Variants in HIPK4 observed in about 807,000 individuals in gnomAD.
HIPK4 encodes homeodomain-interacting protein kinase 4.
HIPK4 carries 26 observed loss-of-function variants against 44.8 expected under a neutral mutation model. That is an observed-to-expected ratio of 0.58 (90% CI 0.43 to 0.80). The LOEUF (loss-of-function observed/expected upper bound fraction) is 0.80. Among genes scored for constraint, HIPK4 ranks in the 30% least tolerant of loss-of-function variants. The pLI, the probability that HIPK4 is intolerant of heterozygous loss-of-function variation, is 0.00. For synonymous variants in HIPK4, 340 were observed against 355.5 expected (o/e 0.96, Z 0.49); for missense variants, 729 against 862.6 (o/e 0.85, Z 1.94).
At position 40,381,061 on chromosome 19, in the gene HIPK4, C is replaced by T. The variant is rs554119598; in HGVS notation, c.930G>A (p.Ala310=). The stretch of plus-strand genomic sequence containing the variant: ...TCTTGAGGTCGGCGTGCTCCGCCAG[C>T]GCCTCCCGGTCAGGGAAGGTTAGCC... ...ASRLTFPDRE[A]LAEHADLKSM... The change falls in exon 3 of 4, where the codon GCG becomes GCA. Residue 310 remains alanine (A), a synonymous_variant. Transcript: ENST00000291823. The T allele has an allele frequency of 8.7e-6, 14 of 1,613,248 alleles. No individual in the cohort carries two copies. Among genetic ancestry groups the T allele is most frequent in the Middle Eastern group, 1.6e-4 (1 of 6,062 alleles).
rs541882458 is a variant in HIPK4 at position 40,380,589 on chromosome 19, C to T, written c.1402G>A (p.Asp468Asn). 753 of 1,612,986 alleles carry T rather than the reference C, an allele frequency of 4.7e-4. 16 individuals carry two copies. In the South Asian group the frequency reaches 7.7e-3, roughly 16 times the overall value. Residue 468 changes from aspartate to asparagine, a missense_variant, in exon 3 of 4, where the codon GAC becomes AAC. Asp to Asn is a conservative substitution (Grantham distance 23). Coordinates refer to ENST00000291823, the MANE Select transcript of HIPK4 (RefSeq NM_144685.5). This position sits in a 1 kb window ranked among gnomAD's most constrained non-coding sequence, Gnocchi z 4.2. Reference protein sequence around the residue: ...KAAITGHHVPDSGPEPILAFY... With the variant: ...KAAITGHHVPNSGPEPILAFY... ...GCCAGGATGGGCTCAGGGCCCGAGT[C>T]GGGCACATGGTGGCCAGTGATGGCT...
At chr19:40,388,906 G>A (rs2079374875) in intron 1 of HIPK4, among the ~76,000 whole-genome samples, 1 of 152,200 alleles carries the variant, frequency 6.6e-6, no homozygotes, top group South Asian at 2.1e-4. Context: ...AAAATTGGCT[G>A]GGCGTGGTGG....
Position 40,389,995 on chromosome 19 carries a change from C to T in HIPK4, c.-93G>A, listed in dbSNP as rs2079381691. 1 of 964,946 alleles carries T rather than the reference C, an allele frequency of 1.0e-6. No individual in the cohort carries two copies. The highest frequency in any genetic ancestry group is 1.6e-5 in the African/African-American group (1 of 60,924). The allele number at this position is 964,946 out of a possible 1,614,324, so 59.8% of individuals were successfully genotyped here. A position where few individuals can be genotyped will look rare whatever the true frequency, so the allele number is the denominator to read the frequency against. ...CCGCCTGGCTGCTGACACAGCAGGC[C>T]CCCCAGTGGGGGAAAGAGAACCGCA... On this transcript the variant is annotated 5_prime_UTR_variant, in exon 1 of 4. Transcript: ENST00000291823. The surrounding 1 kb of genome is among the most constrained non-coding windows in gnomAD (Gnocchi z 4.6).
chr19:40,379,794 C>T (rs772153712), intron 3 of HIPK4, 25 bp from the exon 4 acceptor site: 17 of 1,598,974 alleles, frequency 1.1e-5, no homozygotes, highest in Non-Finnish European at 1.4e-5. Context: ...AGAGGGGCAT[C>T]AGCCAAGCAG....
At chr19:40,384,242 A>C in intron 1 of HIPK4, 103 bp from the exon 2 acceptor site, 1 of 835,228 alleles carries the variant, frequency 1.2e-6, no homozygotes, top group Non-Finnish European at 1.9e-6. Flanking sequence ...TGCATCTGCT[A>C]TTTGACTCTG....
At position 40,389,664 on chromosome 19, in the gene HIPK4, T is replaced by C. The variant is rs1225389809; in HGVS notation, c.239A>G (p.His80Arg). Residue 80 changes from histidine (H) to arginine (R), a missense_variant, in exon 1 of 4, where the codon CAT (histidine) becomes CGT (arginine). Physicochemically the swap from His to Arg is conservative, Grantham distance 29 (BLOSUM62 0). Transcript: ENST00000291823. The surrounding 1 kb of genome is among the most constrained non-coding windows in gnomAD (Gnocchi z 4.6). ...GACCAGGTAGAACTTGAGGGCGTCA[T>C]GGAAGAACTCAAGGAAGCGGATGAC... ...AHVIRFLEFFHDALKFYLVFE... is the reference protein window; with the variant it reads ...AHVIRFLEFFRDALKFYLVFE... The C allele has an allele frequency of 6.8e-6, 11 of 1,614,076 alleles. No homozygotes were observed. Among genetic ancestry groups the C allele is most frequent in the East Asian group, 4.5e-5 (2 of 44,898 alleles).
rs920899826 is a variant in HIPK4, at chr19:40,383,847, G to A, written c.758C>T (p.Pro253Leu). The A allele has an allele frequency of 1.3e-5, 21 of 1,614,054 alleles. No individual in the cohort carries two copies. The Admixed American group carries it at 1.8e-4, about 14-fold the overall frequency. ...CCAGGGGTTGGCAGCGTCAGGGTGG[G>A]GGTTGCGCTTGAAGAAGTGGTGGGC... ...CKAHHFFKRN[P>L]HPDAANPWQL... Residue 253 changes from proline (P) to leucine (L), a missense_variant, in exon 2 of 4, where the codon CCC becomes CTC. Physicochemically the swap from Pro to Leu is moderately conservative, Grantham distance 98. Coordinates refer to ENST00000291823, the MANE Select transcript of HIPK4 (RefSeq NM_144685.5).
chr19:40,384,610 TG>T lies in HIPK4; in HGVS notation c.466-472del, dbSNP rs1231625903. 8.7e-5 allele frequency among the ~76,000 whole-genome samples: 9 copies of T among 103,516 alleles called. No homozygotes were observed. The South Asian group carries it at 1.7e-3, about 19-fold the overall frequency. 67.9% of individuals were successfully genotyped at this position (103,516 alleles called of 152,430 possible). A position where few individuals can be genotyped will look rare whatever the true frequency, so the allele number is the denominator to read the frequency against. On this transcript the variant is annotated intron_variant, in intron 1 of 3. Coordinates refer to ENST00000291823, the MANE Select transcript of HIPK4 (RefSeq NM_144685.5). The stretch of plus-strand genomic sequence containing the variant: ...GTGAGCCACCGCACCCAGCCTTTGT[TG>T]GTTTTTTTTTTTTTTTTTGAGACCG...
At chr19:40,381,719 C>A (rs1273727418) in intron 2 of HIPK4, among the ~76,000 whole-genome samples, 1 of 151,164 alleles carries the variant, frequency 6.6e-6, no homozygotes, top group Admixed American at 6.6e-5. Context: ...AGGGGCAAAG[C>A]CACAGAGGTA....
Position 40,389,137 on chromosome 19 carries a change from G to C in HIPK4, c.465+301C>G, listed in dbSNP as rs2079375786. On this transcript the variant is annotated intron_variant, in intron 1 of 3. Transcript: ENST00000291823. This position sits in a 1 kb window ranked among gnomAD's most constrained non-coding sequence, Gnocchi z 4.6. ...GGCGGAGGCAGTGAACCAAGATCATGCCATCATCACCCCGTCTCTGATAAG... is the reference window on the plus strand; with the variant it reads ...GGCGGAGGCAGTGAACCAAGATCATCCCATCATCACCCCGTCTCTGATAAG... 6.7e-6 allele frequency among the ~76,000 whole-genome samples: 1 copy of C among 148,822 alleles called. No homozygotes were observed. Among genetic ancestry groups the C allele is most frequent in the Non-Finnish European group, 1.5e-5 (1 of 67,456 alleles).
rs1017817621 is a variant in HIPK4 at position 40,384,248 on chromosome 19, C to T, written c.466-109G>A. On this transcript the variant is annotated intron_variant, in intron 1 of 3. Coordinates refer to ENST00000291823, the MANE Select transcript of HIPK4 (RefSeq NM_144685.5). ...GCATCTTCCTGCATCTGCTATTTGA[C>T]TCTGGCCATCTCTGGGTCTGTGATT... The T allele has an allele frequency of 5.3e-6, 4 of 759,036 alleles. No homozygotes were observed. The Admixed American group carries it at 9.6e-5, about 18-fold the overall frequency. 47.0% of individuals were successfully genotyped at this position (759,036 alleles called of 1,614,324 possible).
At position 40,381,086 on chromosome 19, in the gene HIPK4, C is replaced by A. The variant is rs11670988; in HGVS notation, c.905G>T (p.Arg302Leu). The change falls in exon 3 of 4, where the codon CGG (arginine) becomes CTG (leucine). Residue 302 changes from arginine to leucine, a missense_variant. Transcript: ENST00000291823. ...CGCCTCCCGGTCAGGGAAGGTTAGC[C>A]GACTGGCCACACTGCCACCATTCAC... ...ETVNGGSVASRLTFPDREALA... is the reference protein window; with the variant it reads ...ETVNGGSVASLLTFPDREALA... 3.7e-6 allele frequency: 6 copies of A among 1,612,096 alleles called. No individual in the cohort carries two copies. Among genetic ancestry groups the A allele is most frequent in the Non-Finnish European group, 5.1e-6 (6 of 1,179,986 alleles).
At chr19:40,386,246 C>T (rs1355242675) in intron 1 of HIPK4, among the ~76,000 whole-genome samples, 4 of 149,654 alleles carry the variant, frequency 2.7e-5, no homozygotes, top group South Asian at 2.1e-4. Context: ...TAGAGACAGG[C>T]GGGGTTTCAC....
Position 40,389,289 on chromosome 19 carries a change from A to G in HIPK4, c.465+149T>C. ...CAGTGAGCTGAGATTGTGCCACTGC[A>G]CTCAAGCCTGGGTAACAGAATGAAA... is the stretch of plus-strand genomic sequence containing the variant. On this transcript the variant is annotated intron_variant, in intron 1 of 3. Coordinates refer to ENST00000291823, the MANE Select transcript of HIPK4 (RefSeq NM_144685.5). The surrounding 1 kb of genome is among the most constrained non-coding windows in gnomAD (Gnocchi z 4.6). 1 of 344,398 alleles carries G rather than the reference A, an allele frequency of 2.9e-6. No homozygotes were observed. The highest frequency in any genetic ancestry group is 1.1e-4 in the South Asian group (1 of 9,500). 21.3% of individuals were successfully genotyped at this position (344,398 alleles called of 1,614,324 possible). A position where few individuals can be genotyped will look rare whatever the true frequency, so the allele number is the denominator to read the frequency against.
chr19:40,382,731 AT>A (rs200351809), intron 2 of HIPK4, among the ~76,000 whole-genome samples: 11 of 149,722 alleles, frequency 7.3e-5, no homozygotes, highest in East Asian at 2.0e-4. Context: ...TAGCCCAGAA[AT>A]TTTTTTTTTC....
chr19:40,388,672 A>ACACAGCGATGATTAAGTCAGCCC (rs1332003970), intron 1 of HIPK4, among the ~76,000 whole-genome samples: 145 of 152,314 alleles, frequency 9.5e-4, no homozygotes, highest in Non-Finnish European at 1.8e-3. Flanking sequence ...GATGTCAGGG[A>ACACAGCGATGATTAAGTCAGCCC]CACAGCGATG....
Position 40,383,780 on chromosome 19 carries a change from T to C in HIPK4, c.822+3A>G, listed in dbSNP as rs1272826385. 6.3e-7 allele frequency: 1 copy of C among 1,596,712 alleles called. No homozygotes were observed. The highest frequency in any genetic ancestry group is 1.1e-5 in the South Asian group (1 of 90,080). On this transcript the variant is annotated splice_donor_region_variant and intron_variant, in intron 2 of 3. Coordinates refer to ENST00000291823, the MANE Select transcript of HIPK4 (RefSeq NM_144685.5). ...GACTGCCCTCACCCAACTTTTCCCT[T>C]ACCTTCGTCTCGGCCAGGTAGTCAG... is the stretch of plus-strand genomic sequence containing the variant.
At position 40,389,406 on chromosome 19, in the gene HIPK4, G is replaced by A. The variant is rs1318943254; in HGVS notation, c.465+32C>T. 3 of 1,356,098 alleles carry A rather than the reference G, an allele frequency of 2.2e-6. No individual in the cohort carries two copies. Among genetic ancestry groups the A allele is most frequent in the Non-Finnish European group, 3.0e-6 (3 of 1,002,790 alleles). The allele number at this position is 1,356,098 out of a possible 1,614,324, so 84.0% of individuals were successfully genotyped here. A position where few individuals can be genotyped will look rare whatever the true frequency, so the allele number is the denominator to read the frequency against. On this transcript the variant is annotated intron_variant, in intron 1 of 3. Coordinates refer to ENST00000291823, the MANE Select transcript of HIPK4 (RefSeq NM_144685.5). This position sits in a 1 kb window ranked among gnomAD's most constrained non-coding sequence, Gnocchi z 4.6. ...AGCTGGGAAAAAGACAAGGAACTAG[G>A]GACGCAGCCACCCTAGACGACCCCT...
chr19:40,384,943 CTCTTCCAGCCTTTG>C (rs2079356220), intron 1 of HIPK4, among the ~76,000 whole-genome samples: 1 of 152,152 alleles, frequency 6.6e-6, no homozygotes, highest in African/African-American at 2.4e-5. Context: ...CTATCTCTGT[CTCTTCCAGCCTTTG>C]TGTCTGGTTC....
Sources: allele counts gnomAD v4.1 joint callset (sites outside exome capture counted in the v4.1 genomes callset), GRCh38; gene constraint gnomAD v4.1.1; non-coding constraint Gnocchi (gnomAD v3.1); transcripts MANE v1.5; gene names NCBI Gene and HGNC (gene_info 2026-07-23, HGNC 2026-07-21).